Variants in SEL1L observed in about 807,000 individuals in gnomAD.
SEL1L encodes protein sel-1 homolog 1.
Under a neutral mutation model 109.8 loss-of-function variants are expected in SEL1L, and 52 were observed. The observed-to-expected ratio is 0.47, with a 90% confidence interval of 0.38 to 0.60. The LOEUF (loss-of-function observed/expected upper bound fraction) is 0.60, where lower values mean the gene tolerates loss of function less well. Ranked by LOEUF, SEL1L falls within the 20% of genes least tolerant of loss-of-function variation. SEL1L has a pLI of 0.00. For synonymous variants in SEL1L, 373 were observed against 339.6 expected (o/e 1.10, Z -1.08); for missense variants, 749 against 962.2 (o/e 0.78, Z 2.93).
rs1595498184 is a variant in SEL1L, at chr14:81,475,962, G to A, written c.*1010C>T. The A allele has an allele frequency of 1.3e-5, 2 of 152,152 alleles. No homozygotes were observed. Among genetic ancestry groups the A allele is most frequent in the Admixed American group, 6.5e-5 (1 of 15,270 alleles). The allele number at this position is 152,152 out of a possible 1,614,324, so 9.4% of individuals were successfully genotyped here. A position where few individuals can be genotyped will look rare whatever the true frequency, so the allele number is the denominator to read the frequency against. Reference sequence around the variant, plus strand: ...AGTATTATAATAGTAGTCACTGTAAGCCATACCCTGGCAATGATATTTCAT... The same window carrying A: ...AGTATTATAATAGTAGTCACTGTAAACCATACCCTGGCAATGATATTTCAT... On this transcript the variant is annotated 3_prime_UTR_variant, in exon 21 of 21. Transcript: ENST00000336735.
intron 4 of SEL1L, among the ~76,000 whole-genome samples, 196 bp from the exon 5 acceptor site, chr14:81,504,502 C>G (rs960732713): frequency 2.0e-5 from 3 of 149,422 alleles, no homozygotes; most frequent in African/African-American, 7.7e-5. Flanking sequence ...TATATATATA[C>G]ACACATATAT....
In SEL1L at chr14:81,502,751, C is replaced by A. The variant is rs1178111675; in HGVS notation, c.747G>T (p.Leu249=). ...IQAAREMFEK[L]TEEGSPKGQT... ...GTCCCTTGGGAGAGCCTTCCTCAGT[C>A]AGCTTCTCAAACATCTCTCTCGCTG... The change falls in exon 6 of 21, where the codon CTG becomes CTT. Residue 249 remains leucine (L), a synonymous_variant. Transcript: ENST00000336735. The A allele has an allele frequency of 6.2e-7, 1 of 1,613,954 alleles. No homozygotes were observed. Among genetic ancestry groups the A allele is most frequent in the Non-Finnish European group, 8.5e-7 (1 of 1,179,974 alleles).
At chr14:81,486,531 G>A in intron 16 of SEL1L, 77 bp from the exon 17 acceptor site, 2 of 1,428,230 alleles carry the variant, frequency 1.4e-6, no homozygotes, top group Admixed American at 1.8e-5. Context: ...ATGCACTTTG[G>A]TTACACATGA....
chr14:81,472,647 C>G lies in SEL1L; in HGVS notation c.*4325G>C. The stretch of plus-strand genomic sequence containing the variant: ...ATTATAATCAGGCTAAAGTGAATCA[C>G]GCTTACTACATATCAAGGCTGCTTC... On this transcript the variant is annotated 3_prime_UTR_variant, in exon 21 of 21. Transcript: ENST00000336735. The G allele has an allele frequency of 2.3e-6, 1 of 428,560 alleles. No individual in the cohort carries two copies. The highest frequency in any genetic ancestry group is 4.6e-6 in the Non-Finnish European group (1 of 219,408). The allele number at this position is 428,560 out of a possible 1,614,324, so 26.5% of individuals were successfully genotyped here.
rs1324674576 is a variant in SEL1L, at chr14:81,497,900, G to A, written c.1120C>T (p.Gln374Ter). 6.2e-7 allele frequency: 1 copy of A among 1,613,334 alleles called. No homozygotes were observed. The highest frequency in any genetic ancestry group is 8.5e-7 in the Non-Finnish European group (1 of 1,179,652). The part of the protein sequence containing the change: ...YQFLAEKGDV[Q>*]AQVGLGQLHL... ...GATGTTCAAACACGTACCTGTGCTT[G>A]TACATCACCTTTTTCAGCTAGGAAC... Residue 374 changes from glutamine to a stop codon, truncating the protein, a stop_gained, in exon 10 of 21, where the codon CAA becomes TAA. Coordinates refer to ENST00000336735, the MANE Select transcript of SEL1L (RefSeq NM_005065.6). LOFTEE classifies it high-confidence loss of function.
At chr14:81,495,546 A>C (rs1883711983) in intron 10 of SEL1L, among the ~76,000 whole-genome samples, 1 of 152,070 alleles carries the variant, frequency 6.6e-6, no homozygotes. Flanking sequence ...CTGAGGTGGG[A>C]GGATCACCTG....
chr14:81,479,106 T>C (rs1379096624), intron 20 of SEL1L, among the ~76,000 whole-genome samples: 1 of 152,218 alleles, frequency 6.6e-6, no homozygotes, highest in Non-Finnish European at 1.5e-5. Flanking sequence ...CCACTTCCTA[T>C]ATAGGTTCTT....
chr14:81,515,241 T>C (rs1354790418), intron 3 of SEL1L, among the ~76,000 whole-genome samples: 1 of 152,188 alleles, frequency 6.6e-6, no homozygotes, highest in Non-Finnish European at 1.5e-5. Flanking sequence ...CTCCTCCCTC[T>C]CTGATTTAAA....
chr14:81,514,318 AC>A (rs527921384), intron 3 of SEL1L, among the ~76,000 whole-genome samples: 141 of 152,118 alleles, frequency 9.3e-4, no homozygotes, highest in South Asian at 5.8e-3. Context: ...AAAAGGCATC[AC>A]TCTTCCAACT....
chr14:81,496,616 G>A (rs1424542710), intron 10 of SEL1L, among the ~76,000 whole-genome samples: 1 of 152,134 alleles, frequency 6.6e-6, no homozygotes, highest in Non-Finnish European at 1.5e-5. Context: ...GTGCATGCCT[G>A]CATTCCCAGC....
At chr14:81,484,454 C>A in intron 18 of SEL1L, 57 bp from the exon 19 acceptor site, 4 of 1,488,746 alleles carry the variant, frequency 2.7e-6, no homozygotes, top group East Asian at 2.3e-5. Flanking sequence ...TAAAACAGAT[C>A]AAACTTTTTT....
rs142932400 is a variant in SEL1L, at chr14:81,512,159, A to C, written c.341-5918T>G. ...GGTGATTTTTGGATGAAATTATTTA[A>C]ATTGGTGGACTTTGAGTAAAGCAGA... is the stretch of plus-strand genomic sequence containing the variant. On this transcript the variant is annotated intron_variant, in intron 3 of 20. Transcript: ENST00000336735. Among the ~76,000 whole-genome samples the C allele has an allele frequency of 3.9e-3, 591 of 150,190 alleles. 3 individuals carry two copies. The highest frequency in any genetic ancestry group is 8.0e-3 in the African/African-American group (315 of 39,472).
In SEL1L at chr14:81,524,966, G is replaced by A. The variant is rs115384925; in HGVS notation, c.340+1767C>T. On this transcript the variant is annotated intron_variant, in intron 3 of 20. Coordinates refer to ENST00000336735, the MANE Select transcript of SEL1L (RefSeq NM_005065.6). ...AGAAATGAATTCAAACAAATAAATT[G>A]TAAACAGACACTTGAAGCAACTAGA... is the stretch of plus-strand genomic sequence containing the variant. 3.4e-3 allele frequency among the ~76,000 whole-genome samples: 517 copies of A among 152,238 alleles called. 3 individuals are homozygous for A. The highest frequency in any genetic ancestry group is 0.012 in the African/African-American group (492 of 41,524).
At chr14:81,518,411 G>A (rs1009092339) in intron 3 of SEL1L, among the ~76,000 whole-genome samples, 2 of 151,730 alleles carry the variant, frequency 1.3e-5, no homozygotes, top group Non-Finnish European at 2.9e-5. Flanking sequence ...TGTAATCCCA[G>A]CACTTTGGGA....
intron 3 of SEL1L, among the ~76,000 whole-genome samples, chr14:81,510,514 C>CTGTA (rs35474067): frequency 9.6e-6 from 1 of 104,054 alleles, no homozygotes; most frequent in Non-Finnish European, 2.0e-5. Flanking sequence ...CTCTCTCTCT[C>CTGTA]TATATATATA....
At chr14:81,480,410 C>T (rs953457297) in intron 19 of SEL1L, among the ~76,000 whole-genome samples, 1 of 152,060 alleles carries the variant, frequency 6.6e-6, no homozygotes, top group African/African-American at 2.4e-5. Context: ...AGGATGGTCT[C>T]GATCTCCTGA....
At chr14:81,493,289 C>A (rs1057348631) in intron 11 of SEL1L, among the ~76,000 whole-genome samples, 1 of 152,142 alleles carries the variant, frequency 6.6e-6, no homozygotes, top group African/African-American at 2.4e-5. Flanking sequence ...ACGGGCGAAT[C>A]ACTTGAGGTC....
chr14:81,520,530 T>A (rs1884863654), intron 3 of SEL1L, among the ~76,000 whole-genome samples: 1 of 152,150 alleles, frequency 6.6e-6, no homozygotes. Flanking sequence ...TGAAAGGAGA[T>A]AACACAAAAG....
intron 1 of SEL1L, among the ~76,000 whole-genome samples, 175 bp from the exon 2 acceptor site, chr14:81,527,913 GA>G (rs537690718): frequency 1.1e-3 from 161 of 147,662 alleles, no homozygotes; most frequent in African/African-American, 3.0e-3. Flanking sequence ...CAAGTGAAAG[GA>G]AAAAAAAAAT....
Sources: gnomAD v4.1 joint callset for allele counts (sites outside exome capture counted in the v4.1 genomes callset) on GRCh38, gnomAD v4.1.1 for gene constraint, MANE v1.5 for transcripts, NCBI Gene and HGNC (gene_info 2026-07-23, HGNC 2026-07-21) for gene names.